Variants in ZNF106 observed in about 807,000 individuals in gnomAD.
The protein encoded by ZNF106 is SH3-domain binding protein 3.
Under a neutral mutation model 195.1 loss-of-function variants are expected in ZNF106, and 67 were observed. The observed-to-expected ratio is 0.34, with a 90% CI of 0.28 to 0.42. The LOEUF (loss-of-function observed/expected upper bound fraction) is 0.42, where lower values mean the gene tolerates loss of function less well. Ranked by LOEUF, ZNF106 falls within the 10% of genes least tolerant of loss-of-function variation. The pLI is 1.00. For missense variants in ZNF106, 2,118 were observed against 2,304.5 expected (o/e 0.92, Z 1.66); for synonymous variants, 784 against 818.6 (o/e 0.96, Z 0.72).
At chr15:42,441,494 A>C (rs1181235611) in intron 10 of ZNF106, among the ~76,000 whole-genome samples, 1 of 152,214 alleles carries the variant, frequency 6.6e-6, no homozygotes, top group Non-Finnish European at 1.5e-5. Flanking sequence ...TTTCAAATAC[A>C]GCACCACTGT....
In ZNF106 at chr15:42,448,168, G is replaced by C; in HGVS notation, c.3039C>G (p.Ile1013Met). The C allele has an allele frequency of 1.2e-6, 2 of 1,614,162 alleles. No individual in the cohort carries two copies. Among genetic ancestry groups the C allele is most frequent in the Non-Finnish European group, 1.7e-6 (2 of 1,180,030 alleles). The change falls in exon 6 of 22, where the codon ATC (isoleucine) becomes ATG (methionine). Residue 1013 changes from isoleucine to methionine, a missense_variant. Physicochemically the swap from Ile to Met is conservative, Grantham distance 10 (BLOSUM62 1). Transcript: ENST00000564754. ...CTGTGGCTGCATCCGCTAAACTGGA[G>C]ATCGCAAGGGCTGAGGATGCGCTTG... The part of the protein sequence containing the change: ...LSSSASSALA[I>M]SSLADAATDS...
intron 15 of ZNF106, 73 bp from the exon 16 acceptor site, chr15:42,425,098 G>C (rs2054807599): frequency 6.9e-7 from 1 of 1,440,870 alleles, no homozygotes; most frequent in East Asian, 2.3e-5. Flanking sequence ...TCATTACCTT[G>C]GTACAAACTC....
rs148746421 is a variant in ZNF106, at chr15:42,481,726, C to G, written c.-33+9254G>C. Among the ~76,000 whole-genome samples the G allele has an allele frequency of 7.2e-4, 110 of 152,218 alleles. 1 individual carries two copies. Among genetic ancestry groups the G allele is most frequent in the Middle Eastern group, 3.4e-3 (1 of 294 alleles). ...TGGGCTGACATGTTTTTTCCTTCAG[C>G]ATTTTAAAGATTCTCTATTCGCTTC... On this transcript the variant is annotated intron_variant, in intron 1 of 21. Transcript: ENST00000564754.
chr15:42,441,105 C>T (rs1398706151), intron 10 of ZNF106, among the ~76,000 whole-genome samples: 3 of 121,648 alleles, frequency 2.5e-5, no homozygotes, highest in South Asian at 5.6e-4. Context: ...GAGGCCAAGG[C>T]GGGTGGATCA....
chr15:42,446,106 A>C (rs1004795567), intron 7 of ZNF106, among the ~76,000 whole-genome samples: 8 of 152,330 alleles, frequency 5.3e-5, no homozygotes, highest in African/African-American at 1.9e-4. Context: ...CTTGGCTTAC[A>C]AGTCTATGTG....
intron 1 of ZNF106, among the ~76,000 whole-genome samples, chr15:42,481,624 G>T (rs1196811290): frequency 1.3e-5 from 2 of 152,022 alleles, no homozygotes; most frequent in East Asian, 1.9e-4. Flanking sequence ...CTCCCAAAGT[G>T]TTGGGATTAC....
rs1016676626 is a variant in ZNF106, at chr15:42,413,475, C to T, written c.*3829G>A. ...CATAAACTGCAGTTATTTGAGCAAACCAGAGCATATGTGCTGTTCAAATCC... is the reference window on the plus strand; with the variant it reads ...CATAAACTGCAGTTATTTGAGCAAATCAGAGCATATGTGCTGTTCAAATCC... On this transcript the variant is annotated 3_prime_UTR_variant, in exon 22 of 22. Coordinates refer to ENST00000564754, the MANE Select transcript of ZNF106 (RefSeq NM_001366845.3). The T allele has an allele frequency of 2.0e-5, 3 of 152,496 alleles. No individual in the cohort carries two copies. Among genetic ancestry groups the T allele is most frequent in the Non-Finnish European group, 4.4e-5 (3 of 68,024 alleles). 9.4% of individuals were successfully genotyped at this position (152,496 alleles called of 1,614,324 possible).
chr15:42,448,235 T>C lies in ZNF106; in HGVS notation c.2972A>G (p.Gln991Arg). ...QERSIPPSEN[Q>R]NSQESNGEGN... ...CTCTCCATTACTCTCCTGGGAATTC[T>C]GATTCTCTGACGGTGGTATAGACCT... The change falls in exon 6 of 22, where the codon CAG (glutamine) becomes CGG (arginine). Residue 991 changes from glutamine (Q) to arginine (R), a missense_variant. Gln to Arg is a conservative substitution (Grantham distance 43, BLOSUM62 1). Coordinates refer to ENST00000564754, the MANE Select transcript of ZNF106 (RefSeq NM_001366845.3). 1.2e-6 allele frequency: 2 copies of C among 1,614,220 alleles called. No homozygotes were observed. Among genetic ancestry groups the C allele is most frequent in the South Asian group, 2.2e-5 (2 of 91,084 alleles).
rs148979493 is a variant in ZNF106, at chr15:42,448,446, A to T, written c.2761T>A (p.Leu921Met). ...PQQMVSPSNS[L>M]RAGQSQKATM... is the part of the protein sequence containing the mutation. ...GCTTTCTGGCTCTGTCCAGCCCTCA[A>T]TGAGTTACTAGGTGAAACCATCTGC... Residue 921 changes from leucine (L) to methionine (M), a missense_variant, in exon 6 of 22, where the codon TTG becomes ATG. Physicochemically the swap from Leu to Met is conservative, Grantham distance 15. Coordinates refer to ENST00000564754, the MANE Select transcript of ZNF106 (RefSeq NM_001366845.3). 1.9e-6 allele frequency: 3 copies of T among 1,613,964 alleles called. No individual in the cohort carries two copies. In the African/African-American group the frequency reaches 4.0e-5, roughly 22 times the overall value.
At chr15:42,424,649 T>G in intron 16 of ZNF106, 185 bp downstream of exon 16, 1 of 571,094 alleles carries the variant, frequency 1.8e-6, no homozygotes, top group Non-Finnish European at 3.1e-6. Context: ...CCGCTAATTT[T>G]TGTATTTTTT....
intron 16 of ZNF106, 37 bp from the exon 17 acceptor site, chr15:42,424,097 C>CG: frequency 6.4e-7 from 1 of 1,571,374 alleles, no homozygotes; most frequent in Non-Finnish European, 8.7e-7. Context: ...ATTCTGTATA[C>CG]GGTTCTTAAT....
chr15:42,453,729 G>A (rs1259321845), intron 4 of ZNF106, among the ~76,000 whole-genome samples: 4 of 151,906 alleles, frequency 2.6e-5, no homozygotes, highest in Non-Finnish European at 5.9e-5. Flanking sequence ...CTGAGTAGCT[G>A]GGATTACAGG....
intron 10 of ZNF106, 110 bp from the exon 11 acceptor site, chr15:42,439,923 G>T: frequency 8.7e-7 from 1 of 1,145,940 alleles, no homozygotes; most frequent in Non-Finnish European, 1.2e-6. Context: ...AACCATGACT[G>T]TTTCAGCTGG....
At chr15:42,443,219 C>T (rs1047128521) in intron 9 of ZNF106, among the ~76,000 whole-genome samples, 2 of 152,110 alleles carry the variant, frequency 1.3e-5, no homozygotes, top group Non-Finnish European at 2.9e-5. Context: ...ATATAGGCTA[C>T]TAATGGAAGG....
chr15:42,443,512 A>G lies in ZNF106; in HGVS notation c.3421+690T>C, dbSNP rs538697897. ...TTATAACTTTTTATAATTTTATATA[A>G]CTTTTTATAACCTTTAAATTTTTAC... On this transcript the variant is annotated intron_variant, in intron 9 of 21. Coordinates refer to ENST00000564754, the MANE Select transcript of ZNF106 (RefSeq NM_001366845.3). 3.9e-5 allele frequency among the ~76,000 whole-genome samples: 6 copies of G among 152,090 alleles called. No individual in the cohort carries two copies. In the South Asian group the frequency reaches 1.2e-3, roughly 32 times the overall value.
At chr15:42,481,346 T>A (rs1480689217) in intron 1 of ZNF106, among the ~76,000 whole-genome samples, 1 of 136,578 alleles carries the variant, frequency 7.3e-6, no homozygotes, top group Non-Finnish European at 1.5e-5. Flanking sequence ...CTTTCTGTTT[T>A]TTTTTTTGTT....
chr15:42,441,057 A>C (rs2055515983), intron 10 of ZNF106, among the ~76,000 whole-genome samples: 3 of 110,368 alleles, frequency 2.7e-5, no homozygotes, highest in African/African-American at 9.6e-5. Flanking sequence ...ATGCTAAGTC[A>C]CGCGCAGTGG....
intron 1 of ZNF106, among the ~76,000 whole-genome samples, chr15:42,486,563 C>CT (rs1378142931): frequency 1.3e-5 from 2 of 152,096 alleles, no homozygotes; most frequent in Non-Finnish European, 2.9e-5. Context: ...CCAAGCTACT[C>CT]TTTTTTACAT....
intron 1 of ZNF106, among the ~76,000 whole-genome samples, chr15:42,480,249 A>G (rs2056871521): frequency 6.6e-6 from 1 of 152,246 alleles, no homozygotes; most frequent in Admixed American, 6.5e-5. Flanking sequence ...AGGCACAAGC[A>G]TAGTTATAAC....
Sources: gnomAD v4.1 joint callset for allele counts (sites outside exome capture counted in the v4.1 genomes callset) on GRCh38, gnomAD v4.1.1 for gene constraint, MANE v1.5 for transcripts, NCBI Gene and HGNC (gene_info 2026-07-23, HGNC 2026-07-21) for gene names.